LRP1B: variants seen among roughly 807,000 people sequenced by gnomAD.
LRP1B encodes the protein LDL receptor related protein 1B, also known as low-density lipoprotein receptor-related protein 1B.
In LRP1B, 217 loss-of-function variants were observed where a neutral mutation model predicts 556.6. That is an observed-to-expected ratio of 0.39 (90% CI 0.35 to 0.44). LRP1B has a LOEUF of 0.44. LRP1B is among the 20% of genes least tolerant of loss of function. LRP1B has a pLI of 1.00. For missense variants in LRP1B, 5,053 were observed against 5,620.8 expected, an observed-to-expected ratio of 0.90 and a Z score of 3.23; for synonymous variants, 2,047 against 1,865.8, an observed-to-expected ratio of 1.10 and a Z score of -2.50.
intron 1 of LRP1B, among the ~76,000 whole-genome samples, chr2:141,914,079 A>G (rs942561543): frequency 1.3e-5 from 2 of 152,152 alleles, no homozygotes; most frequent in Admixed American, 6.5e-5. Flanking sequence ...CAAGGAGGGC[A>G]CAGCCTCGGC....
chr2:141,833,930 G>A (rs542584364), intron 1 of LRP1B, among the ~76,000 whole-genome samples: 17 of 147,314 alleles, frequency 1.2e-4, no homozygotes, highest in African/African-American at 4.3e-4. Context: ...GGATAGGAGG[G>A]AATGATGGAA....
intron 2 of LRP1B, among the ~76,000 whole-genome samples, chr2:141,494,152 TCAGCAGGTTGAAGCC>T (rs1683432828): frequency 1.3e-5 from 2 of 152,256 alleles, no homozygotes; most frequent in South Asian, 4.1e-4. Flanking sequence ...CCTGGTTAGC[TCAGCAGGTTGAAGCC>T]CAGCATGAAG....
At chr2:140,899,619 C>T (rs189105824) in intron 23 of LRP1B, among the ~76,000 whole-genome samples, 84 of 152,156 alleles carry the variant, frequency 5.5e-4, no homozygotes, top group East Asian at 3.3e-3. Context: ...TGTTCCAGTC[C>T]GTCAGTTCAA....
At chr2:141,607,859 G>C (rs761262802) in intron 2 of LRP1B, among the ~76,000 whole-genome samples, 41 of 152,148 alleles carry the variant, frequency 2.7e-4, no homozygotes, top group Admixed American at 4.6e-4. Flanking sequence ...GGAGATCAAG[G>C]CTGCAGAGAA....
At chr2:141,932,086 A>C (rs970753271) in intron 1 of LRP1B, among the ~76,000 whole-genome samples, 1 of 152,040 alleles carries the variant, frequency 6.6e-6, no homozygotes, top group African/African-American at 2.4e-5. Flanking sequence ...GAGAAAAGAT[A>C]AATTTACCTC....
intron 7 of LRP1B, among the ~76,000 whole-genome samples, chr2:141,096,629 G>GAGGGAGAGAGAGAGAGAGA (rs1558858138): frequency 3.3e-5 from 2 of 59,744 alleles, no homozygotes; most frequent in African/African-American, 1.5e-4. Context: ...GGGGAGAGGG[G>GAGGGAGAGAGAGAGAGAGA]GAGAGAGAGA....
chr2:141,697,702 G>T (rs1022454856), intron 2 of LRP1B, among the ~76,000 whole-genome samples: 2 of 151,896 alleles, frequency 1.3e-5, no homozygotes, highest in African/African-American at 4.8e-5. Flanking sequence ...CATCAAACAT[G>T]CTTGAAACGA....
chr2:140,884,047 T>G (rs757619383), intron 24 of LRP1B, 26 bp from the exon 25 acceptor site: 1 of 1,601,860 alleles, frequency 6.2e-7, no homozygotes, highest in African/African-American at 1.3e-5. Flanking sequence ...AACCAACATG[T>G]GCACCCATTC....
rs869303438 is a variant in LRP1B, at chr2:140,803,290, T to TTTTTTTTTTTTTTTTTTC, written c.5359+10366_5359+10367insGAAAAAAAAAAAAAAAAA. On this transcript the variant is annotated intron_variant, in intron 32 of 90. Transcript: ENST00000389484. The stretch of plus-strand genomic sequence containing the variant: ...TTTTTTTTTTTTTTTTTTTTTTTTT[T>TTTTTTTTTTTTTTTTTTC]CCGAGATGGAGTCTCCCTCTGTCTC... 4.3e-5 allele frequency among the ~76,000 whole-genome samples: 5 copies of TTTTTTTTTTTTTTTTTTC among 115,286 alleles called. 1 individual carries two copies. The highest frequency in any genetic ancestry group is 1.7e-4 in the African/African-American group (5 of 28,884). 75.6% of individuals were successfully genotyped at this position (115,286 alleles called of 152,430 possible). A position where few individuals can be genotyped will look rare whatever the true frequency, so the allele number is the denominator to read the frequency against.
intron 7 of LRP1B, among the ~76,000 whole-genome samples, chr2:141,087,714 A>T (rs1166770086): frequency 1.3e-5 from 2 of 152,172 alleles, no homozygotes; most frequent in Admixed American, 1.3e-4. Context: ...ACTTTACAGC[A>T]TGATGCTCGA....
intron 23 of LRP1B, among the ~76,000 whole-genome samples, chr2:140,900,309 A>G (rs2033290): frequency 2.0e-5 from 3 of 152,310 alleles, no homozygotes; most frequent in African/African-American, 7.2e-5. Context: ...GCCAATTCTC[A>G]TGTGAAATAT....
At chr2:141,951,089 A>G (rs1701092173) in intron 1 of LRP1B, among the ~76,000 whole-genome samples, 1 of 152,174 alleles carries the variant, frequency 6.6e-6, no homozygotes, top group Non-Finnish European at 1.5e-5. Flanking sequence ...TTTGTCCCAT[A>G]GTGATAATGG....
intron 1 of LRP1B, among the ~76,000 whole-genome samples, chr2:141,812,979 C>T: frequency 6.6e-6 from 1 of 151,818 alleles, no homozygotes; most frequent in Non-Finnish European, 1.5e-5. Flanking sequence ...GTCTGTGAGC[C>T]TGCTCATGGT....
intron 86 of LRP1B, among the ~76,000 whole-genome samples, chr2:140,263,066 G>A (rs1283878035): frequency 2.6e-5 from 4 of 152,050 alleles, no homozygotes; most frequent in Non-Finnish European, 5.9e-5. Context: ...TAGAACCACA[G>A]GCGCACACCA....
At chr2:140,706,954 G>A (rs952461425) in intron 37 of LRP1B, among the ~76,000 whole-genome samples, 5 of 152,088 alleles carry the variant, frequency 3.3e-5, no homozygotes, top group Non-Finnish European at 1.5e-5. Flanking sequence ...TTTTGTGTGA[G>A]AAGGGTAATG....
In LRP1B at chr2:140,274,462, G is replaced by A. The variant is rs1682586808; in HGVS notation, c.13104C>T (p.His4368=). ...CTTCACTGTCTTTATTTATAATGCA[G>A]TGCCCCCCATGGCACCTTACACACT... The part of the protein sequence containing the change: ...VDKCVRCHGG[H]CIINKDSEDI... Residue 4368 remains histidine, a synonymous_variant, in exon 85 of 91, where the codon CAC becomes CAT. Transcript: ENST00000389484. The A allele has an allele frequency of 6.2e-7, 1 of 1,612,460 alleles. No homozygotes were observed. Among genetic ancestry groups the A allele is most frequent in the Non-Finnish European group, 8.5e-7 (1 of 1,179,072 alleles).
chr2:141,330,779 GTC>G (rs1371806096), intron 3 of LRP1B, among the ~76,000 whole-genome samples: 1 of 131,198 alleles, frequency 7.6e-6, no homozygotes, highest in Non-Finnish European at 1.5e-5. Flanking sequence ...TTGAGACAGA[GTC>G]TCGCTCCGTC....
At chr2:140,601,307 T>TAAA in intron 42 of LRP1B, 143 bp downstream of exon 42, 1 of 700,584 alleles carries the variant, frequency 1.4e-6, no homozygotes, top group Non-Finnish European at 2.1e-6. Context: ...TGCTCTTACA[T>TAAA]AAAAAAAAAA....
intron 3 of LRP1B, among the ~76,000 whole-genome samples, chr2:141,315,252 A>ATTTTTTTTTTTTTTTTTT (rs34839276): frequency 1.3e-5 from 1 of 77,164 alleles, no homozygotes; most frequent in Non-Finnish European, 2.2e-5. Context: ...AATGATTGTA[A>ATTTTTTTTTTTTTTTTTT]TTTTTTTTTT....
Sources: allele counts gnomAD v4.1 joint callset (sites outside exome capture counted in the v4.1 genomes callset), GRCh38; gene constraint gnomAD v4.1.1; transcripts MANE v1.5; gene names NCBI Gene and HGNC (gene_info 2026-07-23, HGNC 2026-07-21).